Variants in FBXO10 observed in about 807,000 individuals in gnomAD.
FBXO10 encodes the protein F-box only protein 10.
Under a neutral mutation model 80.7 loss-of-function variants are expected in FBXO10, and 39 were observed. The observed-to-expected ratio is 0.48, with a 90% CI of 0.37 to 0.63. The LOEUF (loss-of-function observed/expected upper bound fraction) is 0.63. Among genes scored for constraint, FBXO10 ranks in the 30% least tolerant of loss-of-function variants. The pLI is 0.00. For synonymous variants in FBXO10, 449 were observed against 489.6 expected (o/e 0.92, Z 1.09); for missense variants, 1,025 against 1,269.0 (o/e 0.81, Z 2.92).
At position 37,537,843 on chromosome 9, in the gene FBXO10, T is replaced by C. The variant is rs1821812549; in HGVS notation, c.686A>G (p.Lys229Arg). Residue 229 changes from lysine to arginine, a missense_variant, in exon 3 of 11, where the codon AAA becomes AGA. By Grantham distance (26) the Lys-to-Arg change is conservative. Around this residue, in one of 3 missense-constraint regions of FBXO10, gnomAD observed 450 missense variants for 499.4 expected, o/e 0.90. Coordinates refer to ENST00000432825, the MANE Select transcript of FBXO10 (RefSeq NM_012166.3). ...GTTGTGCAGGAAGATATGGGTGTTT[T>C]TGAAGGTACAGAACTTCACTTGGCA... ...GTCQVKFCTFKNTHIFLHNVP... is the reference protein window; with the variant it reads ...GTCQVKFCTFRNTHIFLHNVP... 1.2e-6 allele frequency: 2 copies of C among 1,613,832 alleles called. No individual in the cohort carries two copies. The highest frequency in any genetic ancestry group is 1.7e-5 in the Admixed American group (1 of 59,996).
At chr9:37,544,991 CA>C (rs59952580) in intron 1 of FBXO10, among the ~76,000 whole-genome samples, 29,802 of 68,940 alleles carry the variant, frequency 0.43, 4,663 homozygotes, top group East Asian at 0.58. Flanking sequence ...GAGACTCTCT[CA>C]AAAAAAAAAA....
intron 1 of FBXO10, among the ~76,000 whole-genome samples, chr9:37,567,030 G>A (rs1822624219): frequency 6.6e-6 from 1 of 152,178 alleles, no homozygotes; most frequent in Non-Finnish European, 1.5e-5. Flanking sequence ...CCAGATCCAG[G>A]TTTTAGTACT....
At chr9:37,523,319 G>A (rs1222899501) in intron 6 of FBXO10, among the ~76,000 whole-genome samples, 4 of 152,040 alleles carry the variant, frequency 2.6e-5, no homozygotes, top group Non-Finnish European at 5.9e-5. Context: ...GGAGGCCAAG[G>A]CGGGTAGATC....
At chr9:37,565,043 T>C (rs1315619832) in intron 1 of FBXO10, among the ~76,000 whole-genome samples, 1 of 152,146 alleles carries the variant, frequency 6.6e-6, no homozygotes, top group Non-Finnish European at 1.5e-5. Context: ...TAGAGGTAAT[T>C]GGATCATGGG....
intron 1 of FBXO10, among the ~76,000 whole-genome samples, chr9:37,568,323 G>A (rs1192675728): frequency 3.3e-5 from 5 of 151,868 alleles, no homozygotes; most frequent in South Asian, 2.1e-4. Flanking sequence ...TCAGCTTCTC[G>A]GGTAGCTGGG....
Position 37,522,914 on chromosome 9 carries a change from AG to A in FBXO10, c.1840del (p.Leu614SerfsTer24). On this transcript the variant is annotated frameshift_variant, in exon 7 of 11. Transcript: ENST00000432825. LOFTEE classifies it high-confidence loss of function. ...VDIRRGGIPVLRSNLICFGYS... is the reference protein window; with the variant it reads ...VDIRRGGIPVXRSNLICFGYS... ...GCCAAAGCAGATGAGGTTACTCCTG[AG>A]AACGGGGATCCCTCCACGGCGGATG... 1 of 1,582,324 alleles carries A rather than the reference AG, an allele frequency of 6.3e-7. No homozygotes were observed. Among genetic ancestry groups the A allele is most frequent in the Non-Finnish European group, 8.6e-7 (1 of 1,164,392 alleles).
chr9:37,565,623 C>T (rs529332271), intron 1 of FBXO10, among the ~76,000 whole-genome samples: 1 of 152,264 alleles, frequency 6.6e-6, no homozygotes, highest in South Asian at 2.1e-4. Context: ...GATGTGCACC[C>T]TAAATTTGAG....
At chr9:37,520,239 G>A (rs1405422703) in intron 8 of FBXO10, among the ~76,000 whole-genome samples, 2 of 147,054 alleles carry the variant, frequency 1.4e-5, no homozygotes, top group Non-Finnish European at 3.0e-5. Flanking sequence ...GAGGCTTTGG[G>A]AGCCCTGGAG....
chr9:37,545,122 T>C (rs1822023923), intron 1 of FBXO10, among the ~76,000 whole-genome samples: 1 of 151,352 alleles, frequency 6.6e-6, no homozygotes, highest in Non-Finnish European at 1.5e-5. Context: ...GCGGCTTCTA[T>C]GACACTGATG....
intron 1 of FBXO10, among the ~76,000 whole-genome samples, chr9:37,569,496 C>G (rs1822694966): frequency 6.9e-6 from 1 of 145,704 alleles, no homozygotes; most frequent in South Asian, 2.1e-4. Flanking sequence ...AAAAAAAACA[C>G]CCAGTAAGGA....
intron 1 of FBXO10, among the ~76,000 whole-genome samples, chr9:37,569,792 A>G (rs1020577683): frequency 1.3e-5 from 2 of 152,302 alleles, no homozygotes; most frequent in East Asian, 1.9e-4. Context: ...CTATGATCAC[A>G]CCACTGTACT....
intron 1 of FBXO10, among the ~76,000 whole-genome samples, chr9:37,564,717 T>C (rs2119185947): frequency 6.6e-6 from 1 of 152,292 alleles, no homozygotes; most frequent in Non-Finnish European, 1.5e-5. Context: ...CCATTTGGAG[T>C]GGGTATATTT....
At chr9:37,531,282 G>GT (rs1821616005) in intron 4 of FBXO10, among the ~76,000 whole-genome samples, 1 of 152,024 alleles carries the variant, frequency 6.6e-6, no homozygotes, top group Admixed American at 6.6e-5. Flanking sequence ...CAGTATACAT[G>GT]TAACAAAATT....
intron 1 of FBXO10, among the ~76,000 whole-genome samples, chr9:37,552,734 A>G (rs1266117748): frequency 6.6e-6 from 1 of 151,090 alleles, no homozygotes; most frequent in Non-Finnish European, 1.5e-5. Flanking sequence ...TATTTTTCAC[A>G]GTTCTGGAGC....
At chr9:37,564,805 A>T (rs1258681451) in intron 1 of FBXO10, among the ~76,000 whole-genome samples, 1 of 152,148 alleles carries the variant, frequency 6.6e-6, no homozygotes, top group Non-Finnish European at 1.5e-5. Flanking sequence ...GGCAGAAGGG[A>T]CTTGCCTTGT....
rs536057774 is a variant in FBXO10 at position 37,527,334 on chromosome 9, GGACATCCTTGGGGCCA to G, written c.1706+1774_1706+1789del. On this transcript the variant is annotated intron_variant, in intron 5 of 10. Transcript: ENST00000432825. ...GCACAGGGTTCAGGGACTAAGACAT[GGACATCCTTGGGGCCA>G]TTATTCTGCCTATCATGCTTGGCAT... 2.0e-5 allele frequency among the ~76,000 whole-genome samples: 3 copies of G among 152,292 alleles called. No individual in the cohort carries two copies. In the East Asian group the frequency reaches 5.8e-4, roughly 29 times the overall value.
At position 37,541,338 on chromosome 9, in the gene FBXO10, T is replaced by G. The variant is rs1821910995; in HGVS notation, c.431A>C (p.Gln144Pro). The change falls in exon 2 of 11, where the codon CAA becomes CCA. Residue 144 changes from glutamine to proline, a missense_variant. Around this residue, in one of 3 missense-constraint regions of FBXO10, gnomAD observed 450 missense variants for 499.4 expected, o/e 0.90. Coordinates refer to ENST00000432825, the MANE Select transcript of FBXO10 (RefSeq NM_012166.3). The stretch of plus-strand genomic sequence containing the variant: ...AGGCACCTTCAAGATGATTTCACCT[T>G]GCTCTTCGTACACACCTGGGAAGAG... ...IVLFPGVYEE[Q>P]GEIILKVPVE... 6.2e-7 allele frequency: 1 copy of G among 1,614,016 alleles called. No homozygotes were observed.
intron 4 of FBXO10, among the ~76,000 whole-genome samples, chr9:37,530,788 A>G (rs1242411585): frequency 4.6e-5 from 7 of 152,012 alleles, no homozygotes; most frequent in Non-Finnish European, 7.4e-5. Flanking sequence ...GACAGGTGTG[A>G]GCTACCATGC....
intron 3 of FBXO10, among the ~76,000 whole-genome samples, chr9:37,534,599 G>C (rs1353599111): frequency 3.3e-5 from 5 of 152,236 alleles, no homozygotes; most frequent in Non-Finnish European, 2.9e-5. Flanking sequence ...CTGTGAATTA[G>C]TGTGAGTGCA....
Sources: gnomAD v4.1 joint callset for allele counts (sites outside exome capture counted in the v4.1 genomes callset) on GRCh38, gnomAD v4.1.1 for gene constraint, gnomAD v4.1.1 regional missense constraint, MANE v1.5 for transcripts, NCBI Gene and HGNC (gene_info 2026-07-23, HGNC 2026-07-21) for gene names.